Variants in UBTF observed in about 807,000 individuals in gnomAD.
UBTF encodes the protein nucleolar transcription factor 1.
UBTF carries 8 observed loss-of-function variants against 112.3 expected under a neutral mutation model. The observed-to-expected ratio is 0.07, with a 90% confidence interval of 0.04 to 0.13. The LOEUF is 0.13. UBTF is among the 10% of genes least tolerant of loss of function. The probability of loss-of-function intolerance (pLI) is 1.00; values close to 1 mark genes in which losing one functional copy is unlikely to be tolerated. For missense variants in UBTF, 457 were observed against 982.1 expected (o/e 0.47, Z 7.15); for synonymous variants, 417 against 373.1 (o/e 1.12, Z -1.36).
Position 44,211,843 on chromosome 17 carries a change from C to A in UBTF, c.905+30G>T. 6.2e-7 allele frequency: 1 copy of A among 1,607,240 alleles called. No individual in the cohort carries two copies. The highest frequency in any genetic ancestry group is 8.5e-7 in the Non-Finnish European group (1 of 1,176,898). On this transcript the variant is annotated intron_variant, in intron 9 of 20. Transcript: ENST00000436088. This position sits in a 1 kb window ranked among gnomAD's most constrained non-coding sequence, Gnocchi z 4.9. ...CCCAGCCCAACTTCCCAGCTGCCCACTCGCCCACCCATCCCAGGGCAGCGC... is the reference window on the plus strand; with the variant it reads ...CCCAGCCCAACTTCCCAGCTGCCCAATCGCCCACCCATCCCAGGGCAGCGC...
In UBTF at chr17:44,207,911, T is replaced by C; in HGVS notation, c.1906A>G (p.Ser636Gly). The C allele has an allele frequency of 6.2e-7, 1 of 1,613,740 alleles. No homozygotes were observed. The change falls in exon 18 of 21, where the codon AGC becomes GGC. Residue 636 changes from serine (S) to glycine (G), a missense_variant and splice_region_variant. Transcript: ENST00000436088. ...YKVHLDLWVK[S>G]LSPQDRAAYK... ...GCTGCACGGTCCTGGGGAGACAGGC[T>C]CTGGGGGAGACAGAAGCGGCAAGGG...
rs373418320 is a variant in UBTF at position 44,207,302 on chromosome 17, G to T, written c.2235C>A (p.Ser745=). The T allele has an allele frequency of 1.7e-5, 28 of 1,612,770 alleles. No individual in the cohort carries two copies. Among genetic ancestry groups the T allele is most frequent in the Non-Finnish European group, 2.4e-5 (28 of 1,179,572 alleles). The change falls in exon 21 of 21, where the codon TCC becomes TCA. Residue 745 remains serine (S), a synonymous_variant. Coordinates refer to ENST00000436088, the MANE Select transcript of UBTF (RefSeq NM_014233.4). The part of the protein sequence containing the change: ...EDDDEDEDNE[S]EGSSSSSSSS... ...AGGAGGAGCTGGAGCTGCTGCCCTC[G>T]GACTCATTATCTTCATCCTCATCGT...
Position 44,210,347 on chromosome 17 carries a change from C to T in UBTF, c.1486G>A (p.Val496Ile). The T allele has an allele frequency of 1.2e-6, 2 of 1,614,258 alleles. No individual in the cohort carries two copies. Among genetic ancestry groups the T allele is most frequent in the Non-Finnish European group, 1.7e-6 (2 of 1,180,044 alleles). ...KRAEEIWQQS[V>I]IGDYLARFKN... Reference sequence around the variant, plus strand: ...AAGCGGGCCAGGTAGTCGCCGATAACGCTCTGTTGCCAGATCTCCTCAGCT... The same window carrying T: ...AAGCGGGCCAGGTAGTCGCCGATAATGCTCTGTTGCCAGATCTCCTCAGCT... The change falls in exon 14 of 21, where the codon GTT becomes ATT. Residue 496 changes from valine (V) to isoleucine (I), a missense_variant. Physicochemically the swap from Val to Ile is conservative, Grantham distance 29 (BLOSUM62 3). Transcript: ENST00000436088.
At position 44,219,620 on chromosome 17, in the gene UBTF, G is replaced by T; in HGVS notation, c.-243C>A. 1 of 11,606 alleles carries T rather than the reference G, an allele frequency of 8.6e-5. No individual in the cohort carries two copies. The highest frequency in any genetic ancestry group is 6.8e-3 in the Admixed American group (1 of 148). The allele number at this position is 11,606 out of a possible 1,614,324, so 0.7% of individuals were successfully genotyped here. On this transcript the variant is annotated 5_prime_UTR_variant, in exon 1 of 21. Transcript: ENST00000436088. Reference sequence around the variant, plus strand: ...CGGCGGCTGCTGCTGCTGTGGCGGCGGCGGCGGCGGCGGCGGCTGTGGCTG... The same window carrying T: ...CGGCGGCTGCTGCTGCTGTGGCGGCTGCGGCGGCGGCGGCGGCTGTGGCTG...
Position 44,219,532 on chromosome 17 carries a change from C to CA in UBTF, c.-156dup. On this transcript the variant is annotated 5_prime_UTR_variant, in exon 1 of 21. Transcript: ENST00000436088. ...GCGCCCTCCCCCGCTCGGCCGGGCA[C>CA]AGCCGCAGCTCCCTCCCGCGGCGGC... 1 of 153,502 alleles carries CA rather than the reference C, an allele frequency of 6.5e-6. No individual in the cohort carries two copies. The highest frequency in any genetic ancestry group is 1.8e-4 in the South Asian group (1 of 5,686). The allele number at this position is 153,502 out of a possible 1,614,324, so 9.5% of individuals were successfully genotyped here.
chr17:44,207,001 T>C lies in UBTF; in HGVS notation c.*241A>G. 1.7e-6 allele frequency: 1 copy of C among 579,942 alleles called. No individual in the cohort carries two copies. The highest frequency in any genetic ancestry group is 2.3e-5 in the South Asian group (1 of 44,012). The allele number at this position is 579,942 out of a possible 1,614,324, so 35.9% of individuals were successfully genotyped here. On this transcript the variant is annotated 3_prime_UTR_variant, in exon 21 of 21. Transcript: ENST00000436088. ...CCAGGCTGGTCCGGTGCTGGCTTAG[T>C]CTGATAGTTGCTGTCCCTGGAGGAG... is the stretch of plus-strand genomic sequence containing the variant.
chr17:44,210,583 G>A, intron 13 of UBTF, 110 bp from the exon 14 acceptor site: 9 of 1,415,326 alleles, frequency 6.4e-6, no homozygotes, highest in Admixed American at 3.0e-5. Context: ...GGCTGGTGCA[G>A]ATGTCTCCCG....
At chr17:44,212,043 T>C (rs2056715010) in intron 8 of UBTF, 37 bp from the exon 9 acceptor site, 6 of 1,561,148 alleles carry the variant, frequency 3.8e-6, no homozygotes, top group Non-Finnish European at 5.2e-6. Context: ...GGCAATGGGG[T>C]GTGGAGTTAG....
Position 44,210,324 on chromosome 17 carries a change from G to A in UBTF, c.1509C>T (p.Arg503=), listed in dbSNP as rs1567793332. Residue 503 remains arginine (R), a synonymous_variant, in exon 14 of 21, where the codon CGC becomes CGT. Coordinates refer to ENST00000436088, the MANE Select transcript of UBTF (RefSeq NM_014233.4). ...CCTTTCCCACCCCTGTCACCTTGAA[G>A]CGGGCCAGGTAGTCGCCGATAACGC... The part of the protein sequence containing the change: ...QQSVIGDYLA[R]FKNDRVKALK... 6 of 1,614,236 alleles carry A rather than the reference G, an allele frequency of 3.7e-6. No individual in the cohort carries two copies. The highest frequency in any genetic ancestry group is 1.1e-5 in the South Asian group (1 of 91,086).
intron 13 of UBTF, 130 bp from the exon 14 acceptor site, chr17:44,210,603 C>G: frequency 3.6e-6 from 5 of 1,390,190 alleles, no homozygotes; most frequent in Non-Finnish European, 4.7e-6. Flanking sequence ...GCCTGGGGCT[C>G]GCCCCCGCCT....
chr17:44,220,479 C>T (rs2047131374), upstream of UBTF, among the ~76,000 whole-genome samples: 2 of 151,840 alleles, frequency 1.3e-5, no homozygotes, highest in South Asian at 2.1e-4. Flanking sequence ...GCGGTCCTCT[C>T]CTTGCCGAAC....
rs1276711746 is a variant in UBTF, at chr17:44,211,762, G to A, written c.906-15C>T. On this transcript the variant is annotated splice_polypyrimidine_tract_variant and intron_variant, in intron 9 of 20. Transcript: ENST00000436088. This position sits in a 1 kb window ranked among gnomAD's most constrained non-coding sequence, Gnocchi z 4.9. ...AGTAGCTGTTCCTATCAGAGCCGCG[G>A]GGAGAGAGGTGCAGCCCGTAAGCGA... 5 of 1,603,356 alleles carry A rather than the reference G, an allele frequency of 3.1e-6. No individual in the cohort carries two copies. The highest frequency in any genetic ancestry group is 3.3e-5 in the Admixed American group (2 of 59,874).
At chr17:44,207,941 A>G (rs1322386599) in intron 17 of UBTF, 30 bp from the exon 18 acceptor site, 1 of 1,613,510 alleles carries the variant, frequency 6.2e-7, no homozygotes, top group Non-Finnish European at 8.5e-7. Context: ...CAAGGGTTGG[A>G]ACATAGCCAA....
At position 44,216,118 on chromosome 17, in the gene UBTF, C is replaced by T. The variant is rs945982741; in HGVS notation, c.235-129G>A. 8 of 765,742 alleles carry T rather than the reference C, an allele frequency of 1.0e-5. No individual in the cohort carries two copies. In the African/African-American group the frequency reaches 1.2e-4, roughly 12 times the overall value. The allele number at this position is 765,742 out of a possible 1,614,324, so 47.4% of individuals were successfully genotyped here. A position where few individuals can be genotyped will look rare whatever the true frequency, so the allele number is the denominator to read the frequency against. On this transcript the variant is annotated intron_variant, in intron 3 of 20. Transcript: ENST00000436088. ...TAAATTTACCAAAGAAGAGCAGAGGCCAACAGCCAAATGAAGCAGGCAGCA... is the reference window on the plus strand; with the variant it reads ...TAAATTTACCAAAGAAGAGCAGAGGTCAACAGCCAAATGAAGCAGGCAGCA...
Position 44,207,129 on chromosome 17 carries a change from A to T in UBTF, c.*113T>A. On this transcript the variant is annotated 3_prime_UTR_variant, in exon 21 of 21. Coordinates refer to ENST00000436088, the MANE Select transcript of UBTF (RefSeq NM_014233.4). Reference sequence around the variant, plus strand: ...TTTTTTTTTTTTAAAGAAAGAAAGAAAGTGGGGGAGGCCAGGGGGGCAAGG... The same window carrying T: ...TTTTTTTTTTTTAAAGAAAGAAAGATAGTGGGGGAGGCCAGGGGGGCAAGG... The T allele has an allele frequency of 8.4e-7, 1 of 1,184,464 alleles. No individual in the cohort carries two copies. The highest frequency in any genetic ancestry group is 1.6e-5 in the African/African-American group (1 of 64,328). The allele number at this position is 1,184,464 out of a possible 1,614,324, so 73.4% of individuals were successfully genotyped here.
Position 44,210,410 on chromosome 17 carries a change from G to T in UBTF, c.1423C>A (p.Arg475Ser). ...AQSERKPGGE[R>S]EERGKLPESP... is the part of the protein sequence containing the mutation. ...TCGGGCAGCTTGCCCCGTTCCTCGC[G>T]CTCCCCGCCGGGCTTCCTCTCCGAC... The change falls in exon 14 of 21, where the codon CGC (arginine) becomes AGC (serine). Residue 475 changes from arginine to serine, a missense_variant. Physicochemically the swap from Arg to Ser is moderately radical, Grantham distance 110. Transcript: ENST00000436088. The T allele has an allele frequency of 1.9e-6, 3 of 1,614,078 alleles. No individual in the cohort carries two copies. Among genetic ancestry groups the T allele is most frequent in the Non-Finnish European group, 2.5e-6 (3 of 1,180,022 alleles).
At chr17:44,217,503 G>A (rs1397116565) in intron 2 of UBTF, among the ~76,000 whole-genome samples, 1 of 152,174 alleles carries the variant, frequency 6.6e-6, no homozygotes, top group Non-Finnish European at 1.5e-5. Flanking sequence ...CACTGTGGAT[G>A]GGCTGGGAGA....
At chr17:44,213,020 T>G (rs1015026514) in intron 6 of UBTF, 81 bp from the exon 7 acceptor site, 10 of 1,577,396 alleles carry the variant, frequency 6.3e-6, no homozygotes, top group Non-Finnish European at 8.6e-6. Context: ...CCACCAAGCC[T>G]CCTGGGCCTT....
rs1168102974 is a variant in UBTF at position 44,205,249 on chromosome 17, C to G, written c.*1993G>C. The G allele has an allele frequency of 6.6e-6, 1 of 152,602 alleles. No homozygotes were observed. The highest frequency in any genetic ancestry group is 1.5e-5 in the Non-Finnish European group (1 of 68,028). The allele number at this position is 152,602 out of a possible 1,614,324, so 9.5% of individuals were successfully genotyped here. On this transcript the variant is annotated 3_prime_UTR_variant, in exon 21 of 21. Transcript: ENST00000436088. The stretch of plus-strand genomic sequence containing the variant: ...GGTCTTCCCACCCCAGCCATCCCAT[C>G]CCAGTGCCAAAATGCACTCAAGAGT...
Sources: allele counts gnomAD v4.1 joint callset (sites outside exome capture counted in the v4.1 genomes callset), GRCh38; gene constraint gnomAD v4.1.1; non-coding constraint Gnocchi (gnomAD v3.1); transcripts MANE v1.5; gene names NCBI Gene and HGNC (gene_info 2026-07-23, HGNC 2026-07-21).